DLG2: variants seen among roughly 807,000 people sequenced by gnomAD.
DLG2 encodes discs large MAGUK scaffold protein 2, also known as disks large homolog 2.
In DLG2, 45 loss-of-function variants were observed where a neutral mutation model predicts 132.5. The observed-to-expected ratio is 0.34, with a 90% CI of 0.27 to 0.44. The LOEUF is 0.44. Among genes scored for constraint, DLG2 ranks in the 20% least tolerant of loss-of-function variants. DLG2 has a pLI of 1.00. For missense variants in DLG2, 1,045 were observed against 1,196.9 expected, an observed-to-expected ratio of 0.87 and a Z score of 1.87; for synonymous variants, 424 against 419.6, an observed-to-expected ratio of 1.01 and a Z score of -0.13.
intron 5 of DLG2, among the ~76,000 whole-genome samples, chr11:85,131,715 T>C (rs1367956463): frequency 6.6e-6 from 1 of 152,180 alleles, no homozygotes; most frequent in African/African-American, 2.4e-5. Context: ...TATGATTTTC[T>C]GGGGCTTCAT....
At chr11:84,237,402 C>T (rs1186731673) in intron 8 of DLG2, among the ~76,000 whole-genome samples, 7 of 152,130 alleles carry the variant, frequency 4.6e-5, no homozygotes, top group Non-Finnish European at 1.0e-4. Context: ...ATTGTTTATT[C>T]GTTCCTCTCA....
intron 9 of DLG2, among the ~76,000 whole-genome samples, chr11:84,161,462 G>T (rs1474463984): frequency 6.6e-6 from 1 of 152,140 alleles, no homozygotes; most frequent in Non-Finnish European, 1.5e-5. Flanking sequence ...GCAGTTAATG[G>T]CAGTAACAAA....
intron 18 of DLG2, among the ~76,000 whole-genome samples, chr11:83,772,225 T>G (rs918073135): frequency 6.6e-6 from 1 of 151,828 alleles, no homozygotes; most frequent in East Asian, 1.9e-4. Flanking sequence ...CTGGGCAACA[T>G]AGTGAAACCC....
intron 11 of DLG2, among the ~76,000 whole-genome samples, chr11:84,013,975 G>A (rs1046596145): frequency 1.3e-5 from 2 of 151,608 alleles, no homozygotes; most frequent in Admixed American, 6.6e-5. Context: ...AACTTCTCAT[G>A]GCTAGAAAGC....
At chr11:84,648,985 TA>T (rs1248513926) in intron 6 of DLG2, among the ~76,000 whole-genome samples, 2 of 152,222 alleles carry the variant, frequency 1.3e-5, no homozygotes, top group African/African-American at 4.8e-5. Context: ...TATGATTTAT[TA>T]TTTTTTTTCT....
rs72957713 is a variant in DLG2, at chr11:84,972,057, G to C, written c.357+139604C>G. On this transcript the variant is annotated intron_variant, in intron 6 of 27. Transcript: ENST00000376104. Reference sequence around the variant, plus strand: ...AGTGGTACTTACTTATGACTCAGAGGGGGGGAAAACATAAAATTTTAGATG... The same window carrying C: ...AGTGGTACTTACTTATGACTCAGAGCGGGGGAAAACATAAAATTTTAGATG... Among the ~76,000 whole-genome samples, 2,326 of 152,076 alleles carry C rather than the reference G, an allele frequency of 0.015. 171 individuals carry two copies. The East Asian group carries it at 0.23, about 15-fold the overall frequency.
chr11:84,547,973 T>C (rs2099393650), intron 6 of DLG2, among the ~76,000 whole-genome samples: 1 of 152,180 alleles, frequency 6.6e-6, no homozygotes. Flanking sequence ...TATTGAACAG[T>C]AGTACCCTGT....
intron 3 of DLG2, among the ~76,000 whole-genome samples, chr11:85,465,818 C>A (rs1041774959): frequency 3.3e-5 from 5 of 151,506 alleles, no homozygotes; most frequent in Non-Finnish European, 7.4e-5. Flanking sequence ...TGGGTATATA[C>A]CGAGTAATGG....
intron 3 of DLG2, among the ~76,000 whole-genome samples, chr11:85,371,725 C>A (rs2084993548): frequency 1.3e-5 from 2 of 152,162 alleles, no homozygotes; most frequent in South Asian, 4.1e-4. Flanking sequence ...CCAAGTTTAT[C>A]TTGGGACCTT....
chr11:84,685,983 G>A (rs1478306894), intron 6 of DLG2, among the ~76,000 whole-genome samples: 2 of 152,130 alleles, frequency 1.3e-5, no homozygotes, highest in East Asian at 3.9e-4. Context: ...CACCGCGCCC[G>A]GCCTATTTTC....
chr11:85,485,258 C>T (rs1343435999), intron 3 of DLG2, among the ~76,000 whole-genome samples: 48 of 144,066 alleles, frequency 3.3e-4, no homozygotes, highest in African/African-American at 4.6e-4. Context: ...TGCTAGATGA[C>T]GAGTTAGTGG....
intron 6 of DLG2, among the ~76,000 whole-genome samples, chr11:84,663,573 G>A (rs1382480198): frequency 1.3e-5 from 2 of 152,068 alleles, no homozygotes; most frequent in African/African-American, 4.8e-5. Context: ...TTTATTTACT[G>A]TATCTCTTAT....
intron 6 of DLG2, among the ~76,000 whole-genome samples, chr11:84,835,005 T>C (rs1211631323): frequency 1.3e-5 from 2 of 151,684 alleles, no homozygotes; most frequent in East Asian, 1.9e-4. Context: ...TAAGCTAATG[T>C]GTGATGTGCA....
At chr11:83,636,752 A>C (rs1264063285) in intron 18 of DLG2, among the ~76,000 whole-genome samples, 4 of 152,190 alleles carry the variant, frequency 2.6e-5, no homozygotes, top group African/African-American at 9.6e-5. Context: ...ATGGCTTATT[A>C]GATACCCAAA....
intron 14 of DLG2, among the ~76,000 whole-genome samples, chr11:83,961,806 T>C (rs2154156101): frequency 6.6e-6 from 1 of 152,178 alleles, no homozygotes; most frequent in Non-Finnish European, 1.5e-5. Context: ...GCCGCAGCCC[T>C]CATTTTAATT....
chr11:85,223,922 A>G (rs1008693993), intron 4 of DLG2, among the ~76,000 whole-genome samples: 1 of 152,128 alleles, frequency 6.6e-6, no homozygotes. Context: ...GATATTGTGC[A>G]GGGGTTATAA....
chr11:84,008,609 C>T (rs1289429143), intron 11 of DLG2, among the ~76,000 whole-genome samples: 2 of 151,352 alleles, frequency 1.3e-5, no homozygotes, highest in African/African-American at 4.9e-5. Flanking sequence ...CAAAAATATC[C>T]ACAACAGGTA....
chr11:84,548,678 C>A (rs10898260), intron 6 of DLG2, among the ~76,000 whole-genome samples: 18,064 of 152,092 alleles, frequency 0.12, 1,143 homozygotes, highest in South Asian at 0.21. Flanking sequence ...TCCCGTCTAT[C>A]ATTATTGGAC....
intron 3 of DLG2, among the ~76,000 whole-genome samples, chr11:85,504,312 C>A (rs1291274601): frequency 6.6e-5 from 10 of 151,944 alleles, no homozygotes; most frequent in African/African-American, 2.4e-4. Flanking sequence ...AATGGTATTG[C>A]CTAGGTTTTC....
Sources: gnomAD v4.1 joint callset for allele counts (sites outside exome capture counted in the v4.1 genomes callset) on GRCh38, gnomAD v4.1.1 for gene constraint, MANE v1.5 for transcripts, NCBI Gene and HGNC (gene_info 2026-07-23, HGNC 2026-07-21) for gene names.